Variants in KCNMA1 observed in about 807,000 individuals in gnomAD.
KCNMA1 encodes the protein Calcium-activated potassium channel subunit alpha-1.
In KCNMA1, 29 loss-of-function variants were observed where a neutral mutation model predicts 140.0. The observed-to-expected ratio is 0.21, with a 90% CI of 0.15 to 0.28. The LOEUF is 0.28. Among genes scored for constraint, KCNMA1 ranks in the 10% least tolerant of loss-of-function variants. KCNMA1 has a pLI of 1.00. For missense variants in KCNMA1, 880 were observed against 1,602.2 expected (o/e 0.55, Z 7.70); for synonymous variants, 612 against 611.9 (o/e 1.00, Z 0.00).
rs569588186 is a variant in KCNMA1, at chr10:77,100,917, T to G, written c.1223+7564A>C. Reference sequence around the variant, plus strand: ...CTAGGCTTGAATACGACTTTTTTTTTAAGGTACACAGTTCATCTCCCACCT... The same window carrying G: ...CTAGGCTTGAATACGACTTTTTTTTGAAGGTACACAGTTCATCTCCCACCT... On this transcript the variant is annotated intron_variant, in intron 9 of 27. Coordinates refer to ENST00000286628, the MANE Select transcript of KCNMA1 (RefSeq NM_001161352.2). Among the ~76,000 whole-genome samples, 3 of 152,252 alleles carry G rather than the reference T, an allele frequency of 2.0e-5. No homozygotes were observed. The East Asian group carries it at 5.8e-4, about 29-fold the overall frequency.
rs904493403 is a variant in KCNMA1, at chr10:77,158,876, G to A, written c.808+24545C>T. ...ATATGGTAGCCTGGCCAGCCAATGC[G>A]TAAGTGTAATAAGTAATCCTCATAC... On this transcript the variant is annotated intron_variant, in intron 5 of 27. Coordinates refer to ENST00000286628, the MANE Select transcript of KCNMA1 (RefSeq NM_001161352.2). Among the ~76,000 whole-genome samples the A allele has an allele frequency of 5.3e-5, 8 of 152,152 alleles. No individual in the cohort carries two copies. The South Asian group carries it at 6.2e-4, about 12-fold the overall frequency.
chr10:77,529,826 T>TGACA (rs2057124882), intron 1 of KCNMA1, among the ~76,000 whole-genome samples: 1 of 152,050 alleles, frequency 6.6e-6, no homozygotes, highest in Non-Finnish European at 1.5e-5. Context: ...TGAAGAACCA[T>TGACA]GACATCCTAA....
intron 2 of KCNMA1, among the ~76,000 whole-genome samples, chr10:77,264,857 C>T (rs981587214): frequency 2.0e-5 from 3 of 152,092 alleles, no homozygotes; most frequent in Non-Finnish European, 4.4e-5. Context: ...TCTTAACCTC[C>T]CACACCAGCC....
intron 2 of KCNMA1, among the ~76,000 whole-genome samples, chr10:77,264,350 T>G (rs898042286): frequency 4.6e-5 from 7 of 152,056 alleles, no homozygotes; most frequent in Non-Finnish European, 7.4e-5. Flanking sequence ...TGAGGGTGGG[T>G]GGATGAGAAT....
At chr10:77,008,842 G>A (rs888753714) in intron 18 of KCNMA1, among the ~76,000 whole-genome samples, 5 of 152,236 alleles carry the variant, frequency 3.3e-5, no homozygotes, top group East Asian at 1.9e-4. Flanking sequence ...ATGTCTGTTC[G>A]AAGGCATGGG....
chr10:77,218,078 G>T (rs2048374001), intron 3 of KCNMA1, among the ~76,000 whole-genome samples: 1 of 152,128 alleles, frequency 6.6e-6, no homozygotes, highest in Admixed American at 6.5e-5. Context: ...TTATTTGCGT[G>T]GGTGGGGAAG....
At chr10:77,127,212 A>G (rs2097762145) in intron 5 of KCNMA1, among the ~76,000 whole-genome samples, 1 of 151,904 alleles carries the variant, frequency 6.6e-6, no homozygotes, top group South Asian at 2.1e-4. Context: ...GATATCTAGT[A>G]TGTTTATTTA....
intron 1 of KCNMA1, among the ~76,000 whole-genome samples, chr10:77,455,228 C>G (rs1180603784): frequency 6.6e-6 from 1 of 152,094 alleles, no homozygotes; most frequent in Non-Finnish European, 1.5e-5. Flanking sequence ...AGGCAGCTAC[C>G]CTTACTCCTA....
chr10:77,393,288 C>A (rs936293845), intron 2 of KCNMA1, among the ~76,000 whole-genome samples: 2 of 149,360 alleles, frequency 1.3e-5, no homozygotes, highest in African/African-American at 4.9e-5. Context: ...GTTCTTCTAC[C>A]CCTGCCCCAG....
chr10:77,038,025 T>G (rs1223545760), intron 15 of KCNMA1, among the ~76,000 whole-genome samples: 2 of 152,140 alleles, frequency 1.3e-5, no homozygotes, highest in East Asian at 3.9e-4. Flanking sequence ...AATTACCTAT[T>G]CACTTTTCCA....
chr10:77,427,078 A>T (rs2097019959), intron 1 of KCNMA1, among the ~76,000 whole-genome samples: 1 of 152,254 alleles, frequency 6.6e-6, no homozygotes, highest in Non-Finnish European at 1.5e-5. Flanking sequence ...TTCAGCTCCA[A>T]CATCTAGCAC....
chr10:77,184,267 T>C (rs1479817755), intron 4 of KCNMA1, among the ~76,000 whole-genome samples: 1 of 152,232 alleles, frequency 6.6e-6, no homozygotes, highest in Non-Finnish European at 1.5e-5. Flanking sequence ...TTGCCCAGGC[T>C]GGAGTGCAGT....
chr10:77,350,370 G>C (rs1030027097), intron 2 of KCNMA1: 7 of 152,240 alleles, frequency 4.6e-5, no homozygotes, highest in African/African-American at 1.4e-4. Context: ...GAGTGAGCAG[G>C]ATGAATCTTG....
At chr10:77,141,222 G>A (rs1434152138) in intron 5 of KCNMA1, among the ~76,000 whole-genome samples, 1 of 152,090 alleles carries the variant, frequency 6.6e-6, no homozygotes, top group African/African-American at 2.4e-5. Context: ...CCCACCCCCT[G>A]CTTCTTTGTC....
At chr10:77,449,369 C>G (rs1353130696) in intron 1 of KCNMA1, among the ~76,000 whole-genome samples, 1 of 152,020 alleles carries the variant, frequency 6.6e-6, no homozygotes. Context: ...GGGAAATGCT[C>G]ATTACATGTT....
chr10:77,128,671 T>C (rs1256281446), intron 5 of KCNMA1, among the ~76,000 whole-genome samples: 1 of 152,136 alleles, frequency 6.6e-6, no homozygotes, highest in Non-Finnish European at 1.5e-5. Flanking sequence ...TATTAATAAA[T>C]ATTTTAGGCT....
At chr10:77,499,366 A>G (rs932482990) in intron 1 of KCNMA1, among the ~76,000 whole-genome samples, 1 of 151,692 alleles carries the variant, frequency 6.6e-6, no homozygotes, top group Non-Finnish European at 1.5e-5. Context: ...CACAGAAGAC[A>G]GACCCAAGTC....
intron 2 of KCNMA1, among the ~76,000 whole-genome samples, chr10:77,298,253 T>G (rs1367528929): frequency 6.6e-6 from 1 of 152,114 alleles, no homozygotes. Context: ...ATTTATTTAT[T>G]TATTTTGAGA....
At chr10:76,882,189 G>C (rs1198090783), downstream of KCNMA1, among the ~76,000 whole-genome samples, 1 of 152,178 alleles carries the variant, frequency 6.6e-6, no homozygotes, top group Non-Finnish European at 1.5e-5. Flanking sequence ...GGTTGTCAGT[G>C]CCATGGGATT....
Sources: allele counts gnomAD v4.1 joint callset (sites outside exome capture counted in the v4.1 genomes callset), GRCh38; gene constraint gnomAD v4.1.1; transcripts MANE v1.5; gene names NCBI Gene and HGNC (gene_info 2026-07-23, HGNC 2026-07-21).